Variants in KCNMA1 observed in about 807,000 individuals in gnomAD.
The protein encoded by KCNMA1 is Calcium-activated potassium channel subunit alpha-1.
In KCNMA1, 29 loss-of-function variants were observed where a neutral mutation model predicts 140.0. That is an observed-to-expected ratio of 0.21 (90% confidence interval 0.15 to 0.28). The LOEUF is 0.28. Among genes scored for constraint, KCNMA1 ranks in the 10% least tolerant of loss-of-function variants. KCNMA1 has a pLI of 1.00. For missense variants in KCNMA1, 880 were observed against 1,602.2 expected, an observed-to-expected ratio of 0.55 and a Z score of 7.70; for synonymous variants, 612 against 611.9, an observed-to-expected ratio of 1.00 and a Z score of 0.00.
rs77158252 is a variant in KCNMA1, at chr10:77,398,910, G to A, written c.540+4952C>T. Reference sequence around the variant, plus strand: ...TTTAGAAACCACCTTATTCTTAGGGGGATTTAATTTACCTGACAAAAATGT... The same window carrying A: ...TTTAGAAACCACCTTATTCTTAGGGAGATTTAATTTACCTGACAAAAATGT... On this transcript the variant is annotated intron_variant, in intron 2 of 27. Coordinates refer to ENST00000286628, the MANE Select transcript of KCNMA1 (RefSeq NM_001161352.2). 7.1e-3 allele frequency among the ~76,000 whole-genome samples: 1,074 copies of A among 152,210 alleles called. 18 individuals carry two copies. Among genetic ancestry groups the A allele is most frequent in the African/African-American group, 0.024 (1,012 of 41,522 alleles).
chr10:77,320,961 ACT>A (rs2154354645), intron 2 of KCNMA1, among the ~76,000 whole-genome samples: 1 of 152,112 alleles, frequency 6.6e-6, no homozygotes, highest in Non-Finnish European at 1.5e-5. Context: ...CTCATTCAAG[ACT>A]CTGTCCTCAG....
At chr10:77,404,987 G>A (rs1407620051) in intron 1 of KCNMA1, among the ~76,000 whole-genome samples, 1 of 148,440 alleles carries the variant, frequency 6.7e-6, no homozygotes, top group Non-Finnish European at 1.5e-5. Flanking sequence ...ATCCAGCTGT[G>A]CCTGAAATCT....
At chr10:76,969,434 A>G (rs1037839552) in intron 20 of KCNMA1, among the ~76,000 whole-genome samples, 1 of 152,260 alleles carries the variant, frequency 6.6e-6, no homozygotes, top group Non-Finnish European at 1.5e-5. Context: ...TGGCAAGTCC[A>G]CAGATTATTA....
intron 23 of KCNMA1, among the ~76,000 whole-genome samples, chr10:76,920,020 GTATATATA>G (rs1169838049): frequency 7.0e-4 from 24 of 34,428 alleles, no homozygotes; most frequent in African/African-American, 2.1e-3. Context: ...GTGTGTGTGT[GTATATATA>G]TATATATATA....
intron 1 of KCNMA1, among the ~76,000 whole-genome samples, chr10:77,467,548 G>A (rs1279058644): frequency 1.3e-5 from 2 of 152,228 alleles, no homozygotes; most frequent in Non-Finnish European, 2.9e-5. Flanking sequence ...CAGCATCACA[G>A]TTGTGTGGAC....
At chr10:77,402,510 G>A (rs181716012) in intron 2 of KCNMA1, among the ~76,000 whole-genome samples, 4 of 152,282 alleles carry the variant, frequency 2.6e-5, no homozygotes, top group Admixed American at 1.3e-4. Flanking sequence ...CACAGCTCAC[G>A]GCAGATCCCT....
intron 1 of KCNMA1, among the ~76,000 whole-genome samples, chr10:77,556,589 G>A (rs1219403109): frequency 2.0e-5 from 3 of 150,244 alleles, no homozygotes; most frequent in Non-Finnish European, 2.9e-5. Context: ...CCAGGATACA[G>A]TACAATAAGG....
intron 2 of KCNMA1, among the ~76,000 whole-genome samples, chr10:77,400,061 G>A (rs1398264279): frequency 6.6e-6 from 1 of 152,210 alleles, no homozygotes; most frequent in Non-Finnish European, 1.5e-5. Context: ...AAACTGAATA[G>A]CCAGCTGTCT....
intron 1 of KCNMA1, among the ~76,000 whole-genome samples, chr10:77,485,898 T>C (rs1325417944): frequency 6.6e-6 from 1 of 152,034 alleles, no homozygotes; most frequent in Non-Finnish European, 1.5e-5. Context: ...CAGAGTTTAG[T>C]GCCAAAACTG....
At chr10:76,909,939 T>G (rs1431150627) in intron 25 of KCNMA1, 27 bp downstream of exon 25, 2 of 1,609,280 alleles carry the variant, frequency 1.2e-6, no homozygotes, top group Non-Finnish European at 1.7e-6. Flanking sequence ...CACCCTTGAG[T>G]GAGGAGGAGG....
At chr10:76,978,937 AT>A (rs981649516) in intron 19 of KCNMA1, among the ~76,000 whole-genome samples, 1 of 152,178 alleles carries the variant, frequency 6.6e-6, no homozygotes, top group African/African-American at 2.4e-5. Flanking sequence ...AATTTTGATT[AT>A]TTTGAAAATA....
At chr10:77,280,808 T>C (rs1348407561) in intron 2 of KCNMA1, among the ~76,000 whole-genome samples, 1 of 151,998 alleles carries the variant, frequency 6.6e-6, no homozygotes. Context: ...GGATTACAGG[T>C]GTGAGCCACC....
chr10:76,985,968 A>G (rs1032174706), intron 19 of KCNMA1, among the ~76,000 whole-genome samples: 1 of 152,224 alleles, frequency 6.6e-6, no homozygotes, highest in Admixed American at 6.5e-5. Context: ...TGCAATAGGG[A>G]TTGTGTTTCT....
Position 77,108,241 on chromosome 10 carries a change from C to T in KCNMA1, c.1223+240G>A. 1 of 1,396,360 alleles carries T rather than the reference C, an allele frequency of 7.2e-7. No homozygotes were observed. Among genetic ancestry groups the T allele is most frequent in the Non-Finnish European group, 9.4e-7 (1 of 1,061,006 alleles). The allele number at this position is 1,396,360 out of a possible 1,614,324, so 86.5% of individuals were successfully genotyped here. A position where few individuals can be genotyped will look rare whatever the true frequency, so the allele number is the denominator to read the frequency against. ...TTCAGATGGCACCTCCACAGGGACTCCTGAAAGTCACTCAACCACATCTTT... is the reference window on the plus strand; with the variant it reads ...TTCAGATGGCACCTCCACAGGGACTTCTGAAAGTCACTCAACCACATCTTT... On this transcript the variant is annotated intron_variant, in intron 9 of 27. Coordinates refer to ENST00000286628, the MANE Select transcript of KCNMA1 (RefSeq NM_001161352.2). The surrounding 1 kb of genome is among the most constrained non-coding windows in gnomAD (Gnocchi z 4.6).
chr10:77,597,960 T>C (rs1217157184), intron 1 of KCNMA1, among the ~76,000 whole-genome samples: 1 of 152,112 alleles, frequency 6.6e-6, no homozygotes, highest in East Asian at 1.9e-4. Flanking sequence ...CTGTAAGATA[T>C]TTTTGTTTTG....
At chr10:76,954,193 T>C (rs1359655994) in intron 20 of KCNMA1, among the ~76,000 whole-genome samples, 1 of 152,096 alleles carries the variant, frequency 6.6e-6, no homozygotes, top group East Asian at 1.9e-4. Flanking sequence ...TAACATTTTG[T>C]GGATTCAGCC....
chr10:76,936,753 G>T (rs1011869692), intron 23 of KCNMA1, among the ~76,000 whole-genome samples: 1 of 152,198 alleles, frequency 6.6e-6, no homozygotes, highest in Non-Finnish European at 1.5e-5. Context: ...CTGGGAAAAA[G>T]GCAGGTGTGG....
intron 1 of KCNMA1, among the ~76,000 whole-genome samples, chr10:77,574,849 T>C (rs1332543071): frequency 6.6e-6 from 1 of 152,264 alleles, no homozygotes; most frequent in Non-Finnish European, 1.5e-5. Context: ...ATGCTTTCCA[T>C]GTCTGGTGCT....
At chr10:77,529,154 C>T (rs769861128) in intron 1 of KCNMA1, among the ~76,000 whole-genome samples, 11 of 152,186 alleles carry the variant, frequency 7.2e-5, no homozygotes, top group African/African-American at 1.7e-4. Context: ...AGTCCTCTCA[C>T]GTGGTGAAGA....
Sources: gnomAD v4.1 joint callset for allele counts (sites outside exome capture counted in the v4.1 genomes callset) on GRCh38, gnomAD v4.1.1 for gene constraint, Gnocchi (gnomAD v3.1) non-coding constraint, MANE v1.5 for transcripts, NCBI Gene and HGNC (gene_info 2026-07-23, HGNC 2026-07-21) for gene names.